DYNC1I1: variants seen among roughly 807,000 people sequenced by gnomAD.
DYNC1I1 encodes cytoplasmic dynein 1 intermediate chain 1.
DYNC1I1 carries 43 observed loss-of-function variants against 86.6 expected under a neutral mutation model. That is an observed-to-expected ratio of 0.50 (90% confidence interval 0.39 to 0.64). The LOEUF (loss-of-function observed/expected upper bound fraction) is 0.64, where lower values mean the gene tolerates loss of function less well. DYNC1I1 is among the 30% of genes least tolerant of loss of function. DYNC1I1 has a pLI of 0.00. For synonymous variants in DYNC1I1, 262 were observed against 283.7 expected (o/e 0.92, Z 0.77); for missense variants, 604 against 788.8 (o/e 0.77, Z 2.81).
chr7:95,798,846 A>C (rs943311072), intron 1 of DYNC1I1, among the ~76,000 whole-genome samples: 1 of 152,150 alleles, frequency 6.6e-6, no homozygotes, highest in Non-Finnish European at 1.5e-5. Flanking sequence ...AAACTATACC[A>C]TGATGATATG....
At chr7:96,061,691 C>T (rs569847425) in intron 14 of DYNC1I1, among the ~76,000 whole-genome samples, 102 of 141,448 alleles carry the variant, frequency 7.2e-4, no homozygotes, top group African/African-American at 2.7e-3. Context: ...CCCTCCCTCC[C>T]TCCCTCTCTC....
At chr7:95,873,101 T>G (rs2116183618) in intron 6 of DYNC1I1, among the ~76,000 whole-genome samples, 1 of 152,348 alleles carries the variant, frequency 6.6e-6, no homozygotes, top group East Asian at 1.9e-4. Context: ...AGGAAATTTC[T>G]ACAACCTGGT....
At position 96,097,620 on chromosome 7, in the gene DYNC1I1, C is replaced by G; in HGVS notation, c.*27C>G. 1 of 1,612,876 alleles carries G rather than the reference C, an allele frequency of 6.2e-7. No individual in the cohort carries two copies. Among genetic ancestry groups the G allele is most frequent in the Non-Finnish European group, 8.5e-7 (1 of 1,179,336 alleles). ...GGAAATGAGCCACCCCCACTGCAGC[C>G]CCCACCTTTGTGTCCTAGAGCTCAG... On this transcript the variant is annotated 3_prime_UTR_variant, in exon 17 of 17. Coordinates refer to ENST00000447467, the MANE Select transcript of DYNC1I1 (RefSeq NM_001135556.2).
At chr7:96,075,611 G>A (rs1790307928) in intron 14 of DYNC1I1, among the ~76,000 whole-genome samples, 1 of 152,224 alleles carries the variant, frequency 6.6e-6, no homozygotes, top group Admixed American at 6.5e-5. Context: ...AGGACCACGA[G>A]GTGGCAGGGG....
At chr7:95,880,454 C>T (rs938168311) in intron 6 of DYNC1I1, among the ~76,000 whole-genome samples, 1 of 151,982 alleles carries the variant, frequency 6.6e-6, no homozygotes, top group African/African-American at 2.4e-5. Context: ...CCTGGGGGAG[C>T]CAGCATACCT....
chr7:95,886,573 T>G (rs1369772188), intron 6 of DYNC1I1, among the ~76,000 whole-genome samples: 1 of 152,198 alleles, frequency 6.6e-6, no homozygotes, highest in Non-Finnish European at 1.5e-5. Flanking sequence ...GACTTTAAGT[T>G]TCTTCCCATG....
chr7:96,069,883 A>T (rs1319840938), intron 14 of DYNC1I1, among the ~76,000 whole-genome samples: 2 of 152,210 alleles, frequency 1.3e-5, no homozygotes, highest in African/African-American at 4.8e-5. Context: ...AGAGAAGCAA[A>T]TGCTAAATTC....
intron 14 of DYNC1I1, among the ~76,000 whole-genome samples, chr7:96,061,706 TCTCTCTCA>T (rs1419035169): frequency 2.2e-4 from 29 of 130,902 alleles, no homozygotes; most frequent in African/African-American, 9.1e-4. Context: ...TCTCTCTCTC[TCTCTCTCA>T]CACACACACA....
At chr7:95,968,868 G>GTGTGTGTT (rs1793089552) in intron 6 of DYNC1I1, among the ~76,000 whole-genome samples, 1 of 148,570 alleles carries the variant, frequency 6.7e-6, no homozygotes, top group Non-Finnish European at 1.5e-5. Flanking sequence ...GTGTGTGTGT[G>GTGTGTGTT]TGTAGGCATG....
chr7:96,059,218 A>G (rs752512924), intron 14 of DYNC1I1, among the ~76,000 whole-genome samples: 2 of 151,844 alleles, frequency 1.3e-5, no homozygotes, highest in East Asian at 1.9e-4. Context: ...TAACACATGT[A>G]TTTTTCCAGT....
At chr7:96,053,989 T>TA (rs1391734084) in intron 14 of DYNC1I1, among the ~76,000 whole-genome samples, 4 of 152,232 alleles carry the variant, frequency 2.6e-5, no homozygotes, top group African/African-American at 7.2e-5. Flanking sequence ...TTTCTTTTTT[T>TA]ATTATACTTC....
chr7:96,030,451 T>C (rs1794783857), intron 11 of DYNC1I1, among the ~76,000 whole-genome samples: 1 of 151,652 alleles, frequency 6.6e-6, no homozygotes, highest in Admixed American at 6.6e-5. Flanking sequence ...GTTTTATTAC[T>C]CATGGAAGCA....
At chr7:95,884,292 T>C (rs1790534517) in intron 6 of DYNC1I1, among the ~76,000 whole-genome samples, 1 of 152,164 alleles carries the variant, frequency 6.6e-6, no homozygotes, top group African/African-American at 2.4e-5. Context: ...AGGAAGAATT[T>C]CCAGGACATG....
At chr7:95,970,745 A>G (rs537180830) in intron 6 of DYNC1I1, among the ~76,000 whole-genome samples, 12 of 152,302 alleles carry the variant, frequency 7.9e-5, no homozygotes, top group African/African-American at 2.9e-4. Flanking sequence ...TAATATTAAG[A>G]AGAGTAGGTC....
intron 1 of DYNC1I1, among the ~76,000 whole-genome samples, chr7:95,782,111 C>T (rs1044512344): frequency 6.6e-6 from 1 of 152,188 alleles, no homozygotes; most frequent in African/African-American, 2.4e-5. Flanking sequence ...CTTTTACAAT[C>T]CCTGTGGTAA....
intron 16 of DYNC1I1, among the ~76,000 whole-genome samples, chr7:96,081,451 A>G (rs1183305564): frequency 2.0e-5 from 3 of 152,188 alleles, no homozygotes; most frequent in Admixed American, 6.5e-5. Flanking sequence ...TTTTTACTGT[A>G]TGAGAAAGTG....
intron 1 of DYNC1I1, among the ~76,000 whole-genome samples, chr7:95,776,952 G>A (rs1360210568): frequency 3.3e-5 from 5 of 152,186 alleles, no homozygotes; most frequent in Non-Finnish European, 4.4e-5. Context: ...AAGTCACTTG[G>A]TCAAGGCCAT....
At chr7:95,887,041 C>T (rs187201094) in intron 6 of DYNC1I1, among the ~76,000 whole-genome samples, 16 of 152,284 alleles carry the variant, frequency 1.1e-4, no homozygotes, top group Non-Finnish European at 2.1e-4. Context: ...AAGTGCAGGA[C>T]GCCTCGTGGG....
chr7:96,010,223 T>A (rs1488815494), intron 10 of DYNC1I1, among the ~76,000 whole-genome samples: 1 of 152,076 alleles, frequency 6.6e-6, no homozygotes, highest in Non-Finnish European at 1.5e-5. Context: ...AAATAACTAG[T>A]GCGTGGTTGA....
Sources: allele counts gnomAD v4.1 joint callset (sites outside exome capture counted in the v4.1 genomes callset), GRCh38; gene constraint gnomAD v4.1.1; transcripts MANE v1.5; gene names NCBI Gene and HGNC (gene_info 2026-07-23, HGNC 2026-07-21).